Variants in CDH18 observed in about 807,000 individuals in gnomAD.
CDH18 encodes cadherin 18.
Under a neutral mutation model 67.9 loss-of-function variants are expected in CDH18, and 31 were observed. The observed-to-expected ratio is 0.46, with a 90% CI of 0.34 to 0.62. The LOEUF (loss-of-function observed/expected upper bound fraction) is 0.62, where lower values mean the gene tolerates loss of function less well. Ranked by LOEUF, CDH18 falls within the 20% of genes least tolerant of loss-of-function variation. CDH18 has a pLI of 0.01. For missense variants in CDH18, 890 were observed against 975.5 expected, an observed-to-expected ratio of 0.91 and a Z score of 1.17; for synonymous variants, 362 against 347.2, an observed-to-expected ratio of 1.04 and a Z score of -0.48.
intron 2 of CDH18, among the ~76,000 whole-genome samples, chr5:20,053,918 C>G (rs1297225427): frequency 6.6e-6 from 1 of 152,058 alleles, no homozygotes; most frequent in East Asian, 1.9e-4. Flanking sequence ...AACAGTCCAG[C>G]CCCAATGTTC....
At chr5:20,126,242 G>A (rs74655821) in intron 2 of CDH18, among the ~76,000 whole-genome samples, 3,158 of 152,228 alleles carry the variant, frequency 0.021, 46 homozygotes, top group Middle Eastern at 0.044. Flanking sequence ...ATGATACTGG[G>A]AAAAGTGCAT....
At chr5:19,840,540 T>C (rs964215782) in intron 2 of CDH18, among the ~76,000 whole-genome samples, 1 of 151,646 alleles carries the variant, frequency 6.6e-6, no homozygotes, top group Non-Finnish European at 1.5e-5. Flanking sequence ...CCATCACTAC[T>C]AAAAATACAA....
intron 2 of CDH18, among the ~76,000 whole-genome samples, chr5:19,851,751 A>ATG (rs140494247): frequency 0.074 from 11,164 of 149,934 alleles, 1,150 homozygotes; most frequent in African/African-American, 0.23. Flanking sequence ...GTGTGTGTGT[A>ATG]TGTGTGTGTG....
At position 19,773,047 on chromosome 5, in the gene CDH18, T is replaced by A. The variant is rs572502798; in HGVS notation, c.229-25811A>T. Among the ~76,000 whole-genome samples, 10 of 152,318 alleles carry A rather than the reference T, an allele frequency of 6.6e-5. No homozygotes were observed. In the East Asian group the frequency reaches 1.9e-3, roughly 29 times the overall value. ...TCTTCTGATATTCATATTCATAATGTTTCTGATATAATTTTATATAGATAT... is the reference window on the plus strand; with the variant it reads ...TCTTCTGATATTCATATTCATAATGATTCTGATATAATTTTATATAGATAT... On this transcript the variant is annotated intron_variant, in intron 3 of 12. Transcript: ENST00000382275.
chr5:19,568,693 T>C (rs189352427), intron 8 of CDH18, among the ~76,000 whole-genome samples: 1 of 152,094 alleles, frequency 6.6e-6, no homozygotes, highest in African/African-American at 2.4e-5. Flanking sequence ...AAGAGGGCTC[T>C]CTGCAAACCA....
intron 2 of CDH18, among the ~76,000 whole-genome samples, chr5:20,172,622 G>C (rs1039003677): frequency 2.0e-5 from 3 of 151,882 alleles, no homozygotes; most frequent in Non-Finnish European, 4.4e-5. Context: ...AGGGAACAAG[G>C]GAGAGAAAAA....
chr5:19,842,294 T>C (rs897740035), intron 2 of CDH18, among the ~76,000 whole-genome samples: 2 of 152,170 alleles, frequency 1.3e-5, no homozygotes, highest in Non-Finnish European at 2.9e-5. Flanking sequence ...TGATTTGTAA[T>C]CTGAATTGTA....
chr5:19,664,805 A>G (rs545925554), intron 5 of CDH18, among the ~76,000 whole-genome samples: 1 of 152,052 alleles, frequency 6.6e-6, no homozygotes, highest in East Asian at 1.9e-4. Context: ...CATGATCTCC[A>G]TTTTAGAGCT....
intron 1 of CDH18, among the ~76,000 whole-genome samples, chr5:20,405,451 A>T (rs946800800): frequency 6.6e-6 from 1 of 152,102 alleles, no homozygotes; most frequent in African/African-American, 2.4e-5. Flanking sequence ...ATGGATTAAA[A>T]ACTTAAATGT....
At chr5:20,118,258 C>T (rs1276049374) in intron 2 of CDH18, among the ~76,000 whole-genome samples, 2 of 151,994 alleles carry the variant, frequency 1.3e-5, no homozygotes, top group Non-Finnish European at 2.9e-5. Context: ...TGATAGTATT[C>T]AGGTTTCTGT....
chr5:20,515,042 C>A (rs534449815), intron 1 of CDH18, among the ~76,000 whole-genome samples: 1 of 149,764 alleles, frequency 6.7e-6, no homozygotes, highest in African/African-American at 2.5e-5. Context: ...ATATGAACAT[C>A]AATAAGAGAA....
intron 2 of CDH18, among the ~76,000 whole-genome samples, chr5:20,039,930 A>AT (rs1029347727): frequency 6.6e-6 from 1 of 152,174 alleles, no homozygotes; most frequent in Non-Finnish European, 1.5e-5. Context: ...ATGGGAAAAA[A>AT]TTTTTGCAAT....
intron 1 of CDH18, among the ~76,000 whole-genome samples, chr5:20,569,220 G>T (rs1334654454): frequency 6.6e-6 from 1 of 152,114 alleles, no homozygotes; most frequent in African/African-American, 2.4e-5. Context: ...CATTTTATAT[G>T]AAAAGAAAAG....
At position 20,557,882 on chromosome 5, in the gene CDH18, A is replaced by T. The variant is rs143921154; in HGVS notation, c.-580+17580T>A. 5.2e-3 allele frequency among the ~76,000 whole-genome samples: 433 copies of T among 83,282 alleles called. 18 individuals carry two copies. Among genetic ancestry groups the T allele is most frequent in the South Asian group, 0.011 (20 of 1,794 alleles). 54.6% of individuals were successfully genotyped at this position (83,282 alleles called of 152,430 possible). A position where few individuals can be genotyped will look rare whatever the true frequency, so the allele number is the denominator to read the frequency against. On this transcript the variant is annotated intron_variant, in intron 1 of 14. Transcript: ENST00000507958. Reference sequence around the variant, plus strand: ...TTTAATGTTATAGTTATATAACATTAAATGTTATAGTTATATAACATTTAA... The same window carrying T: ...TTTAATGTTATAGTTATATAACATTTAATGTTATAGTTATATAACATTTAA...
At chr5:19,693,158 T>C (rs1319868861) in intron 5 of CDH18, among the ~76,000 whole-genome samples, 4 of 151,992 alleles carry the variant, frequency 2.6e-5, no homozygotes, top group African/African-American at 7.2e-5. Context: ...AATACACATA[T>C]TGCACGTGCT....
At chr5:20,127,977 C>G (rs1437607816) in intron 2 of CDH18, among the ~76,000 whole-genome samples, 1 of 152,114 alleles carries the variant, frequency 6.6e-6, no homozygotes, top group Non-Finnish European at 1.5e-5. Context: ...GATACATAGT[C>G]TTCTCCTGTG....
intron 12 of CDH18, among the ~76,000 whole-genome samples, chr5:19,478,249 T>C (rs984300567): frequency 2.6e-5 from 4 of 152,166 alleles, no homozygotes; most frequent in Admixed American, 2.0e-4. Flanking sequence ...AATCTCAACA[T>C]ACTCCTCCCT....
chr5:19,851,615 T>C (rs988111913), intron 2 of CDH18, among the ~76,000 whole-genome samples: 1 of 151,838 alleles, frequency 6.6e-6, no homozygotes, highest in Non-Finnish European at 1.5e-5. Flanking sequence ...TCTAACAGTT[T>C]TTTGCCACAA....
chr5:20,373,342 G>A (rs1743157911), intron 1 of CDH18, among the ~76,000 whole-genome samples: 1 of 152,008 alleles, frequency 6.6e-6, no homozygotes, highest in Admixed American at 6.6e-5. Flanking sequence ...CTACCCCAGG[G>A]CCTTTGCACA....
Sources: gnomAD v4.1 joint callset for allele counts (sites outside exome capture counted in the v4.1 genomes callset) on GRCh38, gnomAD v4.1.1 for gene constraint, MANE v1.5 for transcripts, NCBI Gene and HGNC (gene_info 2026-07-23, HGNC 2026-07-21) for gene names.